Variants in USP33 observed in about 807,000 individuals in gnomAD.
USP33 encodes ubiquitin specific peptidase 33, also known as ubiquitin carboxyl-terminal hydrolase 33.
A neutral mutation model predicts 124.2 loss-of-function variants in USP33; 46 were observed. That is an observed-to-expected ratio of 0.37 (90% confidence interval 0.29 to 0.47). The LOEUF is 0.47. USP33 is among the 20% of genes least tolerant of loss of function. USP33 has a pLI of 0.99. For synonymous variants in USP33, 350 were observed against 352.3 expected (o/e 0.99, Z 0.07); for missense variants, 851 against 1,070.6 (o/e 0.79, Z 2.86).
intron 1 of USP33, among the ~76,000 whole-genome samples, chr1:77,758,372 G>C (rs976414209): frequency 6.6e-6 from 1 of 151,718 alleles, no homozygotes; most frequent in African/African-American, 2.4e-5. Flanking sequence ...TAGTACAGAC[G>C]GGGTTTCACC....
chr1:77,717,247 C>T (rs1203478566), intron 17 of USP33, among the ~76,000 whole-genome samples: 1 of 151,854 alleles, frequency 6.6e-6, no homozygotes, highest in African/African-American at 2.4e-5. Context: ...CCCACCACTT[C>T]GGGAGGCCGA....
rs1031483514 is a variant in USP33 at position 77,713,509 on chromosome 1, T to C, written c.2216-228A>G. ...AAGGCATCCTCCCACCCCAGCGTCCTGAGTAGCTGGGACTACAGGCATGCT... is the reference window on the plus strand; with the variant it reads ...AAGGCATCCTCCCACCCCAGCGTCCCGAGTAGCTGGGACTACAGGCATGCT... On this transcript the variant is annotated intron_variant, in intron 19 of 23. Transcript: ENST00000370794. 22 of 410,812 alleles carry C rather than the reference T, an allele frequency of 5.4e-5. No homozygotes were observed. The South Asian group carries it at 7.9e-4, about 15-fold the overall frequency. The allele number at this position is 410,812 out of a possible 1,614,324, so 25.4% of individuals were successfully genotyped here.
rs767457476 is a variant in USP33, at chr1:77,728,579, T to A, written c.851A>T (p.Asp284Val). The A allele has an allele frequency of 1.9e-6, 3 of 1,614,182 alleles. No individual in the cohort carries two copies. Among genetic ancestry groups the A allele is most frequent in the Non-Finnish European group, 2.5e-6 (3 of 1,180,024 alleles). The change falls in exon 10 of 24, where the codon GAT becomes GTT. Residue 284 changes from aspartate (D) to valine (V), a missense_variant. Asp to Val is a radical substitution (Grantham distance 152). This residue lies in a region of USP33 where 207 missense variants were observed against 200.9 expected (regional missense o/e 1.03). Coordinates refer to ENST00000370794, the MANE Select transcript of USP33 (RefSeq NM_201624.3). Reference sequence around the variant, plus strand: ...AGATTCACAAGACTGAAAATCTACATCCGACTGGCTCTTGTCTTCTTCCAT... The same window carrying A: ...AGATTCACAAGACTGAAAATCTACAACCGACTGGCTCTTGTCTTCTTCCAT... ...ETMEEDKSQS[D>V]VDFQSCESCS...
At chr1:77,746,674 A>G (rs536429913) in intron 1 of USP33, 2 of 152,382 alleles carry the variant, frequency 1.3e-5, no homozygotes, top group African/African-American at 4.8e-5. Context: ...CAAAAAGCTT[A>G]TCCACCACGA....
intron 1 of USP33, among the ~76,000 whole-genome samples, chr1:77,743,569 G>A (rs1424256443): frequency 1.3e-5 from 2 of 151,952 alleles, no homozygotes; most frequent in Non-Finnish European, 2.9e-5. Flanking sequence ...CAACCTCCTG[G>A]TCTCAAACCG....
chr1:77,713,304 C>G lies in USP33; in HGVS notation c.2216-23G>C, dbSNP rs367806837. On this transcript the variant is annotated intron_variant, in intron 19 of 23. Transcript: ENST00000370794. ...CACCTAAAAAAATATATAAACATATCTGTTTCATGCTTTTAATTATATTCC... is the reference window on the plus strand; with the variant it reads ...CACCTAAAAAAATATATAAACATATGTGTTTCATGCTTTTAATTATATTCC... 26 of 1,543,748 alleles carry G rather than the reference C, an allele frequency of 1.7e-5. No individual in the cohort carries two copies. In the African/African-American group the frequency reaches 3.6e-4, roughly 21 times the overall value.
intron 1 of USP33, among the ~76,000 whole-genome samples, chr1:77,758,943 T>C (rs559428379): frequency 2.6e-5 from 4 of 152,270 alleles, no homozygotes; most frequent in African/African-American, 7.2e-5. Flanking sequence ...GGTACTTGAG[T>C]GCAAAACACC....
Position 77,721,694 on chromosome 1 carries a change from C to T in USP33, c.1657+137G>A, listed in dbSNP as rs1280167111. ...TATATTTATATTATCAAGGTAGACA[C>T]TAACCGAATGCCAATATGTGAATGT... On this transcript the variant is annotated intron_variant, in intron 14 of 23. Coordinates refer to ENST00000370794, the MANE Select transcript of USP33 (RefSeq NM_201624.3). The T allele has an allele frequency of 2.6e-5, 19 of 723,350 alleles. No individual in the cohort carries two copies. In the East Asian group the frequency reaches 4.9e-4, roughly 19 times the overall value. The allele number at this position is 723,350 out of a possible 1,614,324, so 44.8% of individuals were successfully genotyped here.
chr1:77,737,968 G>GT (rs1193847780), intron 5 of USP33, among the ~76,000 whole-genome samples: 3 of 152,136 alleles, frequency 2.0e-5, no homozygotes, highest in African/African-American at 7.2e-5. Context: ...TGTTAATAAT[G>GT]TAAGAGGATT....
intron 1 of USP33, among the ~76,000 whole-genome samples, chr1:77,747,493 G>C (rs891774966): frequency 6.6e-6 from 1 of 151,956 alleles, no homozygotes; most frequent in African/African-American, 2.4e-5. Flanking sequence ...CTAGCCTCAA[G>C]CAATCCTCCT....
At chr1:77,739,163 C>T in intron 5 of USP33, 102 bp downstream of exon 5, 1 of 1,346,496 alleles carries the variant, frequency 7.4e-7, no homozygotes, top group Non-Finnish European at 1.0e-6. Context: ...TTTCAAAGTA[C>T]AGGTTAGGCA....
At chr1:77,713,893 A>G (rs757218758) in intron 19 of USP33, among the ~76,000 whole-genome samples, 8 of 152,194 alleles carry the variant, frequency 5.3e-5, no homozygotes, top group Non-Finnish European at 8.8e-5. Flanking sequence ...AACGGTAATT[A>G]TAAAGCATTT....
chr1:77,748,290 A>T (rs892298391), intron 1 of USP33, among the ~76,000 whole-genome samples: 3 of 152,328 alleles, frequency 2.0e-5, no homozygotes, highest in African/African-American at 7.2e-5. Flanking sequence ...GGCATCCCCA[A>T]GTCCCCATCA....
At chr1:77,698,008 T>G (rs370642475) in intron 22 of USP33, 77 bp from the exon 23 acceptor site, 1 of 1,162,920 alleles carries the variant, frequency 8.6e-7, no homozygotes, top group Middle Eastern at 2.3e-4. Context: ...TTGACAAAAT[T>G]GTGACCTATA....
Position 77,714,609 on chromosome 1 carries a change from C to A in USP33, c.2215+5G>T. ...ACTACCGGTTTGCATTACAGGAGTT[C>A]TTACCTCCATGAATACAAAGAAAGT... On this transcript the variant is annotated splice_donor_5th_base_variant and intron_variant, in intron 19 of 23. Coordinates refer to ENST00000370794, the MANE Select transcript of USP33 (RefSeq NM_201624.3). 1 of 1,611,174 alleles carries A rather than the reference C, an allele frequency of 6.2e-7. No individual in the cohort carries two copies. Among genetic ancestry groups the A allele is most frequent in the Non-Finnish European group, 8.5e-7 (1 of 1,179,426 alleles).
rs1288831841 is a variant in USP33, at chr1:77,741,570, A to T, written c.81+47T>A. 1.9e-6 allele frequency: 3 copies of T among 1,556,752 alleles called. No homozygotes were observed. In the Admixed American group the frequency reaches 6.4e-5, roughly 33 times the overall value. On this transcript the variant is annotated intron_variant, in intron 2 of 23. Coordinates refer to ENST00000370794, the MANE Select transcript of USP33 (RefSeq NM_201624.3). ...GTAATTTATGAAAATTACACATTCA[A>T]GAGAAAAGTGAATAGTTTTTCAAGG... is the stretch of plus-strand genomic sequence containing the variant.
intron 10 of USP33, among the ~76,000 whole-genome samples, chr1:77,726,238 C>T (rs1437821293): frequency 6.6e-6 from 1 of 152,106 alleles, no homozygotes; most frequent in Non-Finnish European, 1.5e-5. Context: ...GCATGAACCA[C>T]CGTGCCCAAT....
chr1:77,699,140 G>C (rs1320281080), intron 22 of USP33, among the ~76,000 whole-genome samples: 1 of 152,004 alleles, frequency 6.6e-6, no homozygotes, highest in East Asian at 1.9e-4. Context: ...ATGAAAAAAA[G>C]ATCAACATCA....
chr1:77,748,447 G>A (rs1679950059), intron 1 of USP33, among the ~76,000 whole-genome samples: 1 of 152,176 alleles, frequency 6.6e-6, no homozygotes, highest in Admixed American at 6.5e-5. Context: ...GAGGCGGGTG[G>A]ATCACAAGAT....
Sources: gnomAD v4.1 joint callset for allele counts (sites outside exome capture counted in the v4.1 genomes callset) on GRCh38, gnomAD v4.1.1 for gene constraint, gnomAD v4.1.1 regional missense constraint, MANE v1.5 for transcripts, NCBI Gene and HGNC (gene_info 2026-07-23, HGNC 2026-07-21) for gene names.